ATAT1: variants seen among roughly 807,000 people sequenced by gnomAD.
ATAT1 encodes the protein alpha tubulin acetyltransferase 1.
Under a neutral mutation model 57.2 loss-of-function variants are expected in ATAT1, and 42 were observed. The ratio of observed to expected loss-of-function variants is 0.73; its 90% CI spans 0.57 to 0.95. The LOEUF (loss-of-function observed/expected upper bound fraction) is 0.95. Ranked by LOEUF, ATAT1 falls within the 40% of genes least tolerant of loss-of-function variation. ATAT1 has a pLI of 0.00. For synonymous variants in ATAT1, 168 were observed against 187.1 expected (o/e 0.90, Z 0.83); for missense variants, 454 against 523.7 (o/e 0.87, Z 1.30).
At chr6:30,632,694 T>C (rs913007992) in intron 6 of ATAT1, among the ~76,000 whole-genome samples, 3 of 151,796 alleles carry the variant, frequency 2.0e-5, no homozygotes, top group Admixed American at 2.0e-4. Flanking sequence ...TCCTAGCACT[T>C]TGGGAGGCCG....
chr6:30,642,833 G>GGGGGGCCACA lies in ATAT1; in HGVS notation c.754_755insGGGGGCCACA (p.Ala252GlyfsTer51). 6.5e-7 allele frequency: 1 copy of GGGGGGCCACA among 1,537,878 alleles called. No individual in the cohort carries two copies. On this transcript the variant is annotated frameshift_variant, in exon 10 of 13. Coordinates refer to ENST00000330083, the MANE Select transcript of ATAT1 (RefSeq NM_001031722.4). LOFTEE classifies it high-confidence loss of function. ...GGCCCCTCGCCGCGCCACACCTCCA[G>GGGGGGCCACA]CCCACCCACCCCCCCGCTCCAGCAG...
intron 6 of ATAT1, among the ~76,000 whole-genome samples, chr6:30,637,033 T>A (rs545496779): frequency 2.6e-5 from 4 of 152,194 alleles, no homozygotes; most frequent in Admixed American, 2.6e-4. Flanking sequence ...ACTTCTGACC[T>A]CAAGTGATCC....
At chr6:30,627,597 G>C in intron 2 of ATAT1, 39 bp from the exon 3 acceptor site, 1 of 1,610,124 alleles carries the variant, frequency 6.2e-7, no homozygotes. Flanking sequence ...GGGTCCTTCG[G>C]AGAGACTTGC....
intron 10 of ATAT1, chr6:30,644,232 AT>A: frequency 1.9e-5 from 19 of 985,794 alleles, no homozygotes; most frequent in Non-Finnish European, 2.3e-5. Context: ...TGACACCACC[AT>A]TTCCCCCAGA....
rs1401047783 is a variant in ATAT1 at position 30,640,573 on chromosome 6, C to T, written c.586C>T (p.Arg196Cys). The T allele has an allele frequency of 5.6e-6, 9 of 1,612,894 alleles. No homozygotes were observed. Among genetic ancestry groups the T allele is most frequent in the South Asian group, 3.3e-5 (3 of 91,084 alleles). ...CTCTCTGAGGGCAACTCGACACTCT[C>T]GTGCTGCTGCAGTCGATCCCACGCC... is the stretch of plus-strand genomic sequence containing the variant. The change falls in exon 8 of 13, where the codon CGT becomes TGT. Residue 196 changes from arginine to cysteine, a missense_variant. This residue lies in a region of ATAT1 where 236 missense variants were observed against 284.5 expected (regional missense o/e 0.83). Coordinates refer to ENST00000330083, the MANE Select transcript of ATAT1 (RefSeq NM_001031722.4).
rs79422462 is a variant in ATAT1, at chr6:30,628,027, C to T, written c.286-5C>T. On this transcript the variant is annotated splice_region_variant and splice_polypyrimidine_tract_variant and intron_variant, in intron 4 of 12. Coordinates refer to ENST00000330083, the MANE Select transcript of ATAT1 (RefSeq NM_001031722.4). Reference sequence around the variant, plus strand: ...CCTAAAACATTTTTATTGTTTCTCTCTTAGGATGATCGTGAGGCTCATAAT... The same window carrying T: ...CCTAAAACATTTTTATTGTTTCTCTTTTAGGATGATCGTGAGGCTCATAAT... The T allele has an allele frequency of 6.2e-7, 1 of 1,612,516 alleles. No homozygotes were observed. Among genetic ancestry groups the T allele is most frequent in the Non-Finnish European group, 8.5e-7 (1 of 1,179,540 alleles).
chr6:30,642,371 G>GAGCCACCATGCCCA, intron 9 of ATAT1, 124 bp downstream of exon 9: 1 of 1,354,696 alleles, frequency 7.4e-7, no homozygotes, highest in Non-Finnish European at 1.0e-6. Context: ...GGCTGGGCAT[G>GAGCCACCATGCCCA]GTGGCTCATG....
intron 6 of ATAT1, among the ~76,000 whole-genome samples, chr6:30,636,253 G>A (rs1764045457): frequency 1.3e-5 from 2 of 152,174 alleles, no homozygotes; most frequent in South Asian, 2.1e-4. Flanking sequence ...TGCATTTCAT[G>A]TAGAGGAACA....
chr6:30,627,110 C>G lies in ATAT1; in HGVS notation c.-94C>G. ...CGCCCCTTTTGATGTCCAGGCCTGC[C>G]TTTTTGGTGACCTCTGACCCTGGGC... On this transcript the variant is annotated 5_prime_UTR_variant, in exon 1 of 13. Coordinates refer to ENST00000330083, the MANE Select transcript of ATAT1 (RefSeq NM_001031722.4). The G allele has an allele frequency of 1.3e-6, 2 of 1,580,250 alleles. No individual in the cohort carries two copies. Among genetic ancestry groups the G allele is most frequent in the South Asian group, 2.3e-5 (2 of 87,310 alleles).
intron 6 of ATAT1, among the ~76,000 whole-genome samples, chr6:30,630,443 C>T (rs1415062514): frequency 6.6e-6 from 1 of 151,954 alleles, no homozygotes; most frequent in Non-Finnish European, 1.5e-5. Flanking sequence ...TGAGACCAGC[C>T]TGGTCAACAT....
Position 30,642,833 on chromosome 6 carries a change from G to GGGGGCCCCCCCCCCCCCCCCCC in ATAT1, c.754_755insGGGGCCCCCCCCCCCCCCCCCC (p.Ala252GlyfsTer55). 2.6e-6 allele frequency: 4 copies of GGGGGCCCCCCCCCCCCCCCCCC among 1,537,840 alleles called. No homozygotes were observed. Among genetic ancestry groups the GGGGGCCCCCCCCCCCCCCCCCC allele is most frequent in the African/African-American group, 3.3e-5 (2 of 61,252 alleles). On this transcript the variant is annotated frameshift_variant, in exon 10 of 13. Transcript: ENST00000330083. LOFTEE classifies it high-confidence loss of function. ...GGCCCCTCGCCGCGCCACACCTCCA[G>GGGGGCCCCCCCCCCCCCCCCCC]CCCACCCACCCCCCCGCTCCAGCAG...
intron 8 of ATAT1, 197 bp from the exon 9 acceptor site, chr6:30,641,979 T>C (rs1317839682): frequency 4.2e-6 from 6 of 1,428,724 alleles, no homozygotes; most frequent in Non-Finnish European, 5.5e-6. Context: ...CCTTCTGGCT[T>C]TCCTCAACAG....
Position 30,646,613 on chromosome 6 carries a change from G to C in ATAT1, c.1200G>C (p.Leu400=). 1 of 1,573,180 alleles carries C rather than the reference G, an allele frequency of 6.4e-7. No homozygotes were observed. The highest frequency in any genetic ancestry group is 8.6e-7 in the Non-Finnish European group (1 of 1,159,478). Residue 400 remains leucine, a synonymous_variant, in exon 13 of 13, where the codon CTG becomes CTC. Coordinates refer to ENST00000330083, the MANE Select transcript of ATAT1 (RefSeq NM_001031722.4). ...TCAACGCCAGGTTCATTCGAAACCT[G>C]CAGGAACGTCGCAGCACCAGGCCTT...
rs139317048 is a variant in ATAT1, at chr6:30,627,871, T to G, written c.245T>G (p.Ile82Ser). The G allele has an allele frequency of 6.2e-7, 1 of 1,613,066 alleles. No homozygotes were observed. The highest frequency in any genetic ancestry group is 8.5e-7 in the Non-Finnish European group (1 of 1,180,024). ...TACAGGGCTGGAAAAGGAGCCATTATTGGTTTCATCAAAGTTGGATACAAG... is the reference window on the plus strand; with the variant it reads ...TACAGGGCTGGAAAAGGAGCCATTAGTGGTTTCATCAAAGTTGGATACAAG... Residue 82 changes from isoleucine to serine, a missense_variant, in exon 4 of 13, where the codon ATT becomes AGT. Physicochemically the swap from Ile to Ser is moderately radical, Grantham distance 142. Coordinates refer to ENST00000330083, the MANE Select transcript of ATAT1 (RefSeq NM_001031722.4).
intron 10 of ATAT1, 131 bp from the exon 11 acceptor site, chr6:30,645,764 G>A (rs767394891): frequency 6.5e-5 from 43 of 658,526 alleles, no homozygotes; most frequent in Non-Finnish European, 9.6e-5. Context: ...ATTAAAACCT[G>A]TTAGGAATGA....
At chr6:30,643,394 A>T in intron 10 of ATAT1, 2 of 1,480,810 alleles carry the variant, frequency 1.4e-6, no homozygotes, top group Non-Finnish European at 1.8e-6. Context: ...CCAAGAGTCC[A>T]TCGCAGCAGG....
chr6:30,643,505 C>G (rs1472332372), intron 10 of ATAT1: 13 of 1,550,578 alleles, frequency 8.4e-6, no homozygotes, highest in Non-Finnish European at 1.0e-5. Flanking sequence ...CTCCCTTCCT[C>G]CCATCCATAA....
Position 30,642,833 on chromosome 6 carries a change from G to GGGGGGGCAGCCCCCCC in ATAT1, c.754_755insGGGGGGCAGCCCCCCC (p.Ala252GlyfsTer53). The GGGGGGGCAGCCCCCCC allele has an allele frequency of 6.5e-7, 1 of 1,537,878 alleles. No homozygotes were observed. On this transcript the variant is annotated frameshift_variant, in exon 10 of 13. Transcript: ENST00000330083. LOFTEE classifies it high-confidence loss of function. Reference sequence around the variant, plus strand: ...GGCCCCTCGCCGCGCCACACCTCCAGCCCACCCACCCCCCCGCTCCAGCAG... The same window carrying GGGGGGGCAGCCCCCCC: ...GGCCCCTCGCCGCGCCACACCTCCAGGGGGGGCAGCCCCCCCCCCACCCACCCCCCCGCTCCAGCAG...
intron 10 of ATAT1, chr6:30,644,115 C>T: frequency 1.0e-6 from 1 of 986,312 alleles, no homozygotes; most frequent in Non-Finnish European, 1.2e-6. Flanking sequence ...TTACCAGCTT[C>T]CCAAAGGGAT....
Sources: gnomAD v4.1 joint callset for allele counts (sites outside exome capture counted in the v4.1 genomes callset) on GRCh38, gnomAD v4.1.1 for gene constraint, gnomAD v4.1.1 regional missense constraint, MANE v1.5 for transcripts, NCBI Gene and HGNC (gene_info 2026-07-23, HGNC 2026-07-21) for gene names.